Variants in RGS7 observed in about 807,000 individuals in gnomAD.
RGS7 encodes the protein regulator of G-protein signaling 7.
In RGS7, 27 loss-of-function variants were observed where a neutral mutation model predicts 81.1. That is an observed-to-expected ratio of 0.33 (90% CI 0.25 to 0.46). The LOEUF is 0.46. RGS7 is among the 20% of genes least tolerant of loss of function. RGS7 has a pLI of 1.00. For missense variants in RGS7, 396 were observed against 607.4 expected (o/e 0.65, Z 3.66); for synonymous variants, 208 against 207.7 (o/e 1.00, Z -0.01).
chr1:241,118,547 T>C (rs566207603), intron 2 of RGS7, among the ~76,000 whole-genome samples: 18 of 152,322 alleles, frequency 1.2e-4, no homozygotes, highest in African/African-American at 4.3e-4. Flanking sequence ...ACTGGGTATT[T>C]ACCCAAGGAA....
chr1:240,892,554 CT>C (rs1668446120), intron 6 of RGS7, among the ~76,000 whole-genome samples: 1 of 152,164 alleles, frequency 6.6e-6, no homozygotes, highest in Admixed American at 6.5e-5. Flanking sequence ...CTAAAGCTGT[CT>C]TCTTACATAT....
intron 2 of RGS7, among the ~76,000 whole-genome samples, chr1:241,246,165 G>T (rs2076530693): frequency 6.6e-6 from 1 of 152,050 alleles, no homozygotes; most frequent in South Asian, 2.1e-4. Flanking sequence ...TGTGGATGAA[G>T]ACTGGGCAAG....
At chr1:241,133,528 C>G (rs1439168086) in intron 2 of RGS7, among the ~76,000 whole-genome samples, 3 of 150,734 alleles carry the variant, frequency 2.0e-5, no homozygotes, top group Admixed American at 6.6e-5. Flanking sequence ...AAAGGAGATA[C>G]AAATATAAAA....
At chr1:241,166,210 T>C (rs2070223274) in intron 2 of RGS7, among the ~76,000 whole-genome samples, 1 of 152,260 alleles carries the variant, frequency 6.6e-6, no homozygotes, top group East Asian at 1.9e-4. Context: ...GAGTCAGTCC[T>C]TGAAGGATAG....
intron 3 of RGS7, among the ~76,000 whole-genome samples, chr1:241,051,911 G>T (rs1268674011): frequency 6.6e-6 from 1 of 152,116 alleles, no homozygotes; most frequent in Admixed American, 6.6e-5. Context: ...AGAGGTTAAA[G>T]AACTTGTCCA....
rs2068115527 is a variant in RGS7 at position 241,144,030 on chromosome 1, G to T, written c.79-45268C>A. Among the ~76,000 whole-genome samples the T allele has an allele frequency of 6.6e-6, 1 of 152,132 alleles. No homozygotes were observed. The highest frequency in any genetic ancestry group is 2.4e-5 in the African/African-American group (1 of 41,432). ...GAACTCTGAGAAATACATTTCTATT[G>T]TGTATAAGCCACTCAGCCCATGATA... On this transcript the variant is annotated intron_variant, in intron 2 of 18. Coordinates refer to ENST00000440928, the MANE Select transcript of RGS7 (RefSeq NM_001364886.1). This position sits in a 1 kb window ranked among gnomAD's most constrained non-coding sequence, Gnocchi z 4.7.
At position 241,165,302 on chromosome 1, in the gene RGS7, C is replaced by T. The variant is rs543657837; in HGVS notation, c.79-66540G>A. 1.5e-4 allele frequency among the ~76,000 whole-genome samples: 23 copies of T among 152,232 alleles called. No homozygotes were observed. In the South Asian group the frequency reaches 2.9e-3, roughly 19 times the overall value. ...ATGTTACAGAATCTATGCTAGGGGT[C>T]GAGCACACAATATTTAGACACATGC... On this transcript the variant is annotated intron_variant, in intron 2 of 18. Coordinates refer to ENST00000440928, the MANE Select transcript of RGS7 (RefSeq NM_001364886.1).
At chr1:241,265,276 C>A (rs2077527056) in intron 2 of RGS7, among the ~76,000 whole-genome samples, 1 of 152,234 alleles carries the variant, frequency 6.6e-6, no homozygotes, top group Non-Finnish European at 1.5e-5. Flanking sequence ...TCGGCCATCT[C>A]CATAATCCCT....
intron 15 of RGS7, among the ~76,000 whole-genome samples, chr1:240,804,469 A>AAAC (rs1688518743): frequency 3.9e-5 from 6 of 152,150 alleles, no homozygotes; most frequent in African/African-American, 1.4e-4. Context: ...CACAAAAAAA[A>AAAC]CTAGAATTAA....
At chr1:241,176,232 G>A (rs1390199043) in intron 2 of RGS7, among the ~76,000 whole-genome samples, 3 of 152,146 alleles carry the variant, frequency 2.0e-5, no homozygotes, top group Non-Finnish European at 4.4e-5. Context: ...GAAGTCAAGA[G>A]TCCTGGAACA....
At chr1:240,822,973 G>A in intron 10 of RGS7, 1 of 519,758 alleles carries the variant, frequency 1.9e-6, no homozygotes. Flanking sequence ...TTTTTCATCA[G>A]GGGCTATTCA....
At position 240,816,363 on chromosome 1, in the gene RGS7, G is replaced by C. The variant is rs1427324166; in HGVS notation, c.737C>G (p.Pro246Arg). ...TGTTGGAGGTTTAGTTTCTGGTGTGGGTGTGTGGGTAGGACTGTGACTTCT... is the reference window on the plus strand; with the variant it reads ...TGTTGGAGGTTTAGTTTCTGGTGTGCGTGTGTGGGTAGGACTGTGACTTCT... Reference protein sequence around the residue: ...DIRSHSPTHTPTPETKPPTED... With the variant: ...DIRSHSPTHTRTPETKPPTED... Residue 246 changes from proline (P) to arginine (R), a missense_variant, in exon 11 of 19, where the codon CCC becomes CGC. By Grantham distance (103) the Pro-to-Arg change is moderately radical. Coordinates refer to ENST00000440928, the MANE Select transcript of RGS7 (RefSeq NM_001364886.1). 6.2e-7 allele frequency: 1 copy of C among 1,612,144 alleles called. No individual in the cohort carries two copies. The highest frequency in any genetic ancestry group is 8.5e-7 in the Non-Finnish European group (1 of 1,178,408).
rs1375013577 is a variant in RGS7 at position 241,306,041 on chromosome 1, CA to C, written c.78+49657del. 3.3e-5 allele frequency among the ~76,000 whole-genome samples: 5 copies of C among 152,196 alleles called. No homozygotes were observed. The East Asian group carries it at 9.6e-4, about 29-fold the overall frequency. On this transcript the variant is annotated intron_variant, in intron 2 of 18. Coordinates refer to ENST00000440928, the MANE Select transcript of RGS7 (RefSeq NM_001364886.1). ...TTTATGGGGGCTGAAGCATGGAATT[CA>C]CATCAGAATAACGAGAAGAGAGGTT...
intron 6 of RGS7, among the ~76,000 whole-genome samples, chr1:240,917,100 G>A (rs1048674688): frequency 7.9e-5 from 12 of 152,100 alleles, no homozygotes; most frequent in Non-Finnish European, 1.8e-4. Flanking sequence ...AGAGAGTGGG[G>A]TGATAGATTT....
rs115813479 is a variant in RGS7, at chr1:241,103,883, T to C, written c.79-5121A>G. Among the ~76,000 whole-genome samples the C allele has an allele frequency of 9.2e-3, 1,406 of 152,138 alleles. 26 individuals carry two copies. Among genetic ancestry groups the C allele is most frequent in the African/African-American group, 0.032 (1,312 of 41,502 alleles). ...AATGAGACTCTGTCTCAAAAATAAA[T>C]AAAATAAAATAATCAAACAAGACCT... On this transcript the variant is annotated intron_variant, in intron 2 of 18. Transcript: ENST00000440928.
chr1:241,321,352 GT>G (rs557633011), intron 2 of RGS7, among the ~76,000 whole-genome samples: 17 of 151,950 alleles, frequency 1.1e-4, no homozygotes, highest in Admixed American at 7.9e-4. Flanking sequence ...AGCACAAGCA[GT>G]TTTTTTTATC....
intron 3 of RGS7, among the ~76,000 whole-genome samples, chr1:241,060,562 T>C (rs1410275152): frequency 1.3e-5 from 2 of 152,206 alleles, no homozygotes; most frequent in Non-Finnish European, 2.9e-5. Flanking sequence ...TATTGATTGG[T>C]ACCCTGGACT....
intron 3 of RGS7, chr1:240,998,781 G>A (rs1465527742): frequency 7.3e-6 from 5 of 686,516 alleles, no homozygotes; most frequent in Non-Finnish European, 1.1e-5. Flanking sequence ...GGCGAGCTGG[G>A]AGACGAAGGC....
chr1:241,184,038 A>G (rs2071874658), intron 2 of RGS7, among the ~76,000 whole-genome samples: 1 of 152,238 alleles, frequency 6.6e-6, no homozygotes, highest in South Asian at 2.1e-4. Flanking sequence ...GGATCCTGGA[A>G]GCAAAGGCGA....
Sources: allele counts gnomAD v4.1 joint callset (sites outside exome capture counted in the v4.1 genomes callset), GRCh38; gene constraint gnomAD v4.1.1; non-coding constraint Gnocchi (gnomAD v3.1); transcripts MANE v1.5; gene names NCBI Gene and HGNC (gene_info 2026-07-23, HGNC 2026-07-21).